MBD5: variants seen among roughly 807,000 people sequenced by gnomAD.
The protein encoded by MBD5 is methyl-CpG binding domain protein 5.
A neutral mutation model predicts 117.3 loss-of-function variants in MBD5; 13 were observed. The observed-to-expected ratio is 0.11, with a 90% CI of 0.07 to 0.18. The LOEUF (loss-of-function observed/expected upper bound fraction) is 0.18, where lower values mean the gene tolerates loss of function less well. Ranked by LOEUF, MBD5 falls within the 10% of genes least tolerant of loss-of-function variation. The probability of loss-of-function intolerance (pLI) is 1.00; values close to 1 mark genes in which losing one functional copy is unlikely to be tolerated. For synonymous variants in MBD5, 727 were observed against 766.4 expected (o/e 0.95, Z 0.85); for missense variants, 1,879 against 2,093.8 (o/e 0.90, Z 2.00).
intron 3 of MBD5, among the ~76,000 whole-genome samples, chr2:148,317,770 T>G (rs913038302): frequency 7.9e-5 from 12 of 152,226 alleles, no homozygotes; most frequent in African/African-American, 2.9e-4. Flanking sequence ...CCACCCATGT[T>G]GCTGCAAAAG....
intron 1 of MBD5, among the ~76,000 whole-genome samples, chr2:148,082,393 T>A (rs978140980): frequency 2.6e-5 from 4 of 152,224 alleles, no homozygotes; most frequent in African/African-American, 9.6e-5. Flanking sequence ...CTCTGAACTC[T>A]TCAGGTCTAT....
At chr2:148,036,432 A>G (rs1412932263) in intron 1 of MBD5, among the ~76,000 whole-genome samples, 2 of 152,312 alleles carry the variant, frequency 1.3e-5, no homozygotes, top group African/African-American at 2.4e-5. Flanking sequence ...TTAAAATTGT[A>G]TTAGCTTGTG....
chr2:148,402,858 G>C (rs184183268), intron 4 of MBD5, among the ~76,000 whole-genome samples: 1,844 of 151,778 alleles, frequency 0.012, 34 homozygotes, highest in African/African-American at 0.041. Flanking sequence ...TTATCAGATA[G>C]TTGTTTTTTT....
intron 4 of MBD5, among the ~76,000 whole-genome samples, chr2:148,436,463 C>T (rs1172215529): frequency 1.3e-5 from 2 of 152,136 alleles, no homozygotes; most frequent in East Asian, 1.9e-4. Flanking sequence ...ACCTCCGCCT[C>T]CTGGGTTCAA....
intron 4 of MBD5, among the ~76,000 whole-genome samples, chr2:148,397,504 A>AT (rs1166326787): frequency 6.6e-6 from 1 of 150,738 alleles, no homozygotes; most frequent in Non-Finnish European, 1.5e-5. Context: ...TAATTTTTTT[A>AT]TTTTTTACTA....
In MBD5 at chr2:148,403,633, TCA is replaced by T. The variant is rs1345285614; in HGVS notation, c.-556-54569_-556-54568del. Among the ~76,000 whole-genome samples the T allele has an allele frequency of 2.0e-5, 3 of 152,216 alleles. No individual in the cohort carries two copies. The East Asian group carries it at 5.8e-4, about 29-fold the overall frequency. ...ATAGAGAAATCCTATGTGCCTTCTG[TCA>T]AATTTCCTTCAATGGCAACATCTGG... On this transcript the variant is annotated intron_variant, in intron 4 of 13. Transcript: ENST00000642680.
intron 8 of MBD5, among the ~76,000 whole-genome samples, chr2:148,480,775 C>T (rs1345744999): frequency 6.6e-6 from 1 of 151,924 alleles, no homozygotes; most frequent in Non-Finnish European, 1.5e-5. Context: ...TGTTTTCTTA[C>T]CCTACTCTTG....
intron 4 of MBD5, among the ~76,000 whole-genome samples, chr2:148,412,303 T>TGTGTGTGTGTGTGTAG (rs371452995): frequency 7.2e-6 from 1 of 138,118 alleles, no homozygotes; most frequent in Non-Finnish European, 1.6e-5. Flanking sequence ...TGTGTGTGTG[T>TGTGTGTGTGTGTGTAG]AGAGAGAGAG....
chr2:148,490,489 C>T lies in MBD5; in HGVS notation c.4857C>T (p.Gly1619=), dbSNP rs543329958. 1.2e-4 allele frequency: 197 copies of T among 1,614,162 alleles called. No individual in the cohort carries two copies. Among genetic ancestry groups the T allele is most frequent in the East Asian group, 3.1e-4 (14 of 44,876 alleles). Reference sequence around the variant, plus strand: ...ATAGACCAAGGACGTTCAATGTTGGCGACTTGGTCTGGGGCCAAATCAAAG... The same window carrying T: ...ATAGACCAAGGACGTTCAATGTTGGTGACTTGGTCTGGGGCCAAATCAAAG... ...IHYRPRTFNV[G]DLVWGQIKGL... is the part of the protein sequence containing the mutation. The change falls in exon 11 of 14, where the codon GGC becomes GGT. Residue 1619 remains glycine (G), a synonymous_variant. Transcript: ENST00000642680.
chr2:148,277,675 G>A (rs1022109067), intron 3 of MBD5, among the ~76,000 whole-genome samples: 5 of 151,828 alleles, frequency 3.3e-5, no homozygotes, highest in African/African-American at 1.2e-4. Flanking sequence ...GCCTCTATTT[G>A]TGCTCGTTTT....
At chr2:148,337,897 T>A (rs749489747) in intron 3 of MBD5, among the ~76,000 whole-genome samples, 8 of 152,220 alleles carry the variant, frequency 5.3e-5, no homozygotes, top group Non-Finnish European at 4.4e-5. Flanking sequence ...TCTGAATTTT[T>A]CCCTTCAATT....
chr2:148,230,878 C>G (rs1197177683), intron 2 of MBD5, among the ~76,000 whole-genome samples: 1 of 152,194 alleles, frequency 6.6e-6, no homozygotes, highest in Non-Finnish European at 1.5e-5. Context: ...CTTCATAACT[C>G]TAACTGGTGC....
chr2:148,043,896 A>G (rs1694445044), intron 1 of MBD5, among the ~76,000 whole-genome samples: 1 of 152,232 alleles, frequency 6.6e-6, no homozygotes, highest in Non-Finnish European at 1.5e-5. Flanking sequence ...CAGTTATTTA[A>G]GTGTTTAATA....
intron 3 of MBD5, among the ~76,000 whole-genome samples, chr2:148,303,328 C>T (rs1017952021): frequency 6.6e-6 from 1 of 152,286 alleles, no homozygotes; most frequent in East Asian, 1.9e-4. Context: ...AAAGGCACAG[C>T]ATTTGGTTGC....
At chr2:148,376,563 G>A (rs1447401765) in intron 4 of MBD5, among the ~76,000 whole-genome samples, 1 of 149,454 alleles carries the variant, frequency 6.7e-6, no homozygotes, top group Non-Finnish European at 1.5e-5. Context: ...CACCGCGCCC[G>A]GCCAAAAATA....
chr2:148,144,852 C>A (rs571472132), intron 1 of MBD5, among the ~76,000 whole-genome samples: 8 of 152,202 alleles, frequency 5.3e-5, no homozygotes, highest in Admixed American at 3.9e-4. Flanking sequence ...TTACTGTACC[C>A]TTGTAGTATA....
intron 4 of MBD5, among the ~76,000 whole-genome samples, chr2:148,416,257 T>C (rs6749658): frequency 0.25 from 38,779 of 152,138 alleles, 5,449 homozygotes; most frequent in East Asian, 0.41. Context: ...ATGGGCTGCA[T>C]GCTGTAACTT....
At chr2:148,511,896 A>G (rs187283998) in intron 13 of MBD5, among the ~76,000 whole-genome samples, 4 of 152,336 alleles carry the variant, frequency 2.6e-5, no homozygotes, top group Admixed American at 2.6e-4. Flanking sequence ...TCTAAACATT[A>G]TTTTTAAGCA....
intron 5 of MBD5, 123 bp downstream of exon 5, chr2:148,458,994 C>T (rs1382579113): frequency 8.7e-6 from 7 of 801,824 alleles, no homozygotes; most frequent in Admixed American, 3.9e-5. Flanking sequence ...GTGCTAGAAA[C>T]ATATGAGAAT....
Sources: gnomAD v4.1 joint callset for allele counts (sites outside exome capture counted in the v4.1 genomes callset) on GRCh38, gnomAD v4.1.1 for gene constraint, MANE v1.5 for transcripts, NCBI Gene and HGNC (gene_info 2026-07-23, HGNC 2026-07-21) for gene names.